The following CTSL variants were observed in gnomAD, a reference collection of about 807,000 sequenced individuals.
CTSL encodes the protein cathepsin L.
In CTSL, 23 loss-of-function variants were observed where a neutral mutation model predicts 34.7. The ratio of observed to expected loss-of-function variants is 0.66; its 90% CI spans 0.48 to 0.94. The LOEUF is 0.94. CTSL is among the 40% of genes least tolerant of loss of function. The pLI, the probability that CTSL is intolerant of heterozygous loss-of-function variation, is 0.00. For missense variants in CTSL, 361 were observed against 406.3 expected (o/e 0.89, Z 0.96); for synonymous variants, 129 against 136.7 (o/e 0.94, Z 0.39).
At chr9:87,726,609 G>T (rs922660249) in intron 1 of CTSL, among the ~76,000 whole-genome samples, 1 of 152,238 alleles carries the variant, frequency 6.6e-6, no homozygotes, top group Non-Finnish European at 1.5e-5. Flanking sequence ...GGCTTCCCGC[G>T]TGCGGCCATA....
intron 7 of CTSL, 95 bp from the exon 8 acceptor site, chr9:87,730,913 A>G (rs1387298310): frequency 1.2e-5 from 11 of 949,622 alleles, no homozygotes; most frequent in South Asian, 1.6e-5. Flanking sequence ...TGTTAAGTCT[A>G]TGGCCTCTGG....
At chr9:87,727,485 A>C in intron 1 of CTSL, 109 bp from the exon 2 acceptor site, 601 of 953,020 alleles carry the variant, frequency 6.3e-4, no homozygotes, top group Non-Finnish European at 8.0e-4. Context: ...GCTTGGGAGA[A>C]TAATTTAAAT....
In CTSL at chr9:87,730,422, C is replaced by T; in HGVS notation, c.826C>T (p.His276Tyr). ...EPDCSSEDMD[H>Y]GVLVVGYGFE... ...AGACTGTAGCAGTGAAGACATGGAT[C>T]ATGGTGTGCTGGTGGTTGGCTACGG... The change falls in exon 7 of 8, where the codon CAT (histidine) becomes TAT (tyrosine). Residue 276 changes from histidine to tyrosine, a missense_variant. Transcript: ENST00000343150. 1 of 1,612,882 alleles carries T rather than the reference C, an allele frequency of 6.2e-7. No individual in the cohort carries two copies.
At position 87,729,555 on chromosome 9, in the gene CTSL, T is replaced by C. The variant is rs761352247; in HGVS notation, c.622-18T>C. 32 of 1,610,596 alleles carry C rather than the reference T, an allele frequency of 2.0e-5. No homozygotes were observed. The highest frequency in any genetic ancestry group is 3.5e-4 in the Middle Eastern group (2 of 5,778). On this transcript the variant is annotated intron_variant, in intron 5 of 7. Coordinates refer to ENST00000343150, the MANE Select transcript of CTSL (RefSeq NM_001912.5). ...GACAGCAGTAATCAAGTCTTTTTTT[T>C]CCCTTTACCTTTGAAAGGAAGAATC...
At position 87,726,276 on chromosome 9, in the gene CTSL, A is replaced by G. The variant is rs1311036640; in HGVS notation, c.-133A>G. ...TAGGTGTGCACCAGCCCTGGCAACG[A>G]GAGCGTCTACCCCGAACTCTGCTGG... On this transcript the variant is annotated 5_prime_UTR_variant, in exon 1 of 8. Coordinates refer to ENST00000343150, the MANE Select transcript of CTSL (RefSeq NM_001912.5). 1 of 152,468 alleles carries G rather than the reference A, an allele frequency of 6.6e-6. No individual in the cohort carries two copies. Among genetic ancestry groups the G allele is most frequent in the African/African-American group, 2.4e-5 (1 of 41,466 alleles). The allele number at this position is 152,468 out of a possible 1,614,324, so 9.4% of individuals were successfully genotyped here.
At position 87,731,188 on chromosome 9, in the gene CTSL, C is replaced by T. The variant is rs930254878; in HGVS notation, c.*81C>T. ...AATTCATCTTCAGTCTACCAGCCCC[C>T]GCTGTGTCGGATACACACTCGAATC... On this transcript the variant is annotated 3_prime_UTR_variant, in exon 8 of 8. Transcript: ENST00000343150. 59 of 1,020,490 alleles carry T rather than the reference C, an allele frequency of 5.8e-5. No homozygotes were observed. In the East Asian group the frequency reaches 6.0e-4, roughly 10 times the overall value. 63.2% of individuals were successfully genotyped at this position (1,020,490 alleles called of 1,614,324 possible).
Position 87,728,321 on chromosome 9 carries a change from G to C in CTSL, c.321G>C (p.Gln107His). 1 of 1,614,154 alleles carries C rather than the reference G, an allele frequency of 6.2e-7. No individual in the cohort carries two copies. The highest frequency in any genetic ancestry group is 1.3e-5 in the African/African-American group (1 of 75,036). ...NRKPRKGKVF[Q>H]EPLFYEAPRS... Reference sequence around the variant, plus strand: ...AGCCCAGGAAGGGGAAAGTGTTCCAGGAACCTCTGTTTTATGAGGCCCCCA... The same window carrying C: ...AGCCCAGGAAGGGGAAAGTGTTCCACGAACCTCTGTTTTATGAGGCCCCCA... The change falls in exon 4 of 8, where the codon CAG becomes CAC. Residue 107 changes from glutamine to histidine, a missense_variant. Physicochemically the swap from Gln to His is conservative, Grantham distance 24. Transcript: ENST00000343150.
chr9:87,729,165 C>CAA (rs568121493), intron 5 of CTSL, among the ~76,000 whole-genome samples: 10 of 119,372 alleles, frequency 8.4e-5, no homozygotes, highest in Non-Finnish European at 9.1e-5. Flanking sequence ...ACCCTGTCTC[C>CAA]AAAAAAAAAA....
intron 1 of CTSL, among the ~76,000 whole-genome samples, 178 bp downstream of exon 1, chr9:87,726,576 C>T (rs1826002155): frequency 6.6e-6 from 1 of 152,232 alleles, no homozygotes; most frequent in South Asian, 2.1e-4. Flanking sequence ...GCCTGGAGCC[C>T]TGGAAGCTGG....
At chr9:87,728,182 T>A in intron 3 of CTSL, 33 bp downstream of exon 3, 1 of 1,614,228 alleles carries the variant, frequency 6.2e-7, no homozygotes, top group Non-Finnish European at 8.5e-7. Flanking sequence ...AGCTCTGTGC[T>A]TCCTCTCTTC....
In CTSL at chr9:87,731,258, T is replaced by C; in HGVS notation, c.*151T>C. On this transcript the variant is annotated 3_prime_UTR_variant, in exon 8 of 8. Transcript: ENST00000343150. ...TTTGAATTCTGTGATATTTTCACAC[T>C]GGTAAATGTTACCTCTATTTTAATT... The C allele has an allele frequency of 1.9e-6, 1 of 520,456 alleles. No homozygotes were observed. The highest frequency in any genetic ancestry group is 2.8e-5 in the East Asian group (1 of 35,386). 32.2% of individuals were successfully genotyped at this position (520,456 alleles called of 1,614,324 possible).
chr9:87,729,750 C>G lies in CTSL; in HGVS notation c.784+15C>G. The G allele has an allele frequency of 6.3e-7, 1 of 1,584,536 alleles. No homozygotes were observed. Among genetic ancestry groups the G allele is most frequent in the Non-Finnish European group, 8.6e-7 (1 of 1,167,298 alleles). On this transcript the variant is annotated intron_variant, in intron 6 of 7. Coordinates refer to ENST00000343150, the MANE Select transcript of CTSL (RefSeq NM_001912.5). Reference sequence around the variant, plus strand: ...CTATAAAGAAGGTAAGCATATTTTTCTTTGTAGAAATTGATGCAGAAAAAG... The same window carrying G: ...CTATAAAGAAGGTAAGCATATTTTTGTTTGTAGAAATTGATGCAGAAAAAG...
chr9:87,728,418 A>T lies in CTSL; in HGVS notation c.396+22A>T, dbSNP rs199854486. Reference sequence around the variant, plus strand: ...TCAGGTGAGACAGTGTCAGGTTCAGACCTCCCATCTTCCCAGGAAAGCCAA... The same window carrying T: ...TCAGGTGAGACAGTGTCAGGTTCAGTCCTCCCATCTTCCCAGGAAAGCCAA... On this transcript the variant is annotated intron_variant, in intron 4 of 7. Coordinates refer to ENST00000343150, the MANE Select transcript of CTSL (RefSeq NM_001912.5). 611 of 1,604,562 alleles carry T rather than the reference A, an allele frequency of 3.8e-4. 5 individuals carry two copies. Among genetic ancestry groups the T allele is most frequent in the Admixed American group, 1.9e-4 (11 of 57,844 alleles).
chr9:87,729,105 G>A (rs1826154822), intron 5 of CTSL: 3 of 646,966 alleles, frequency 4.6e-6, no homozygotes, highest in Non-Finnish European at 7.3e-6. Context: ...TTGCTTGAGT[G>A]TGGGAGGTGG....
intron 7 of CTSL, 83 bp from the exon 8 acceptor site, chr9:87,730,925 A>T: frequency 1.9e-6 from 2 of 1,077,406 alleles, no homozygotes; most frequent in Non-Finnish European, 2.8e-6. Flanking sequence ...GGCCTCTGGC[A>T]CAGTGTTTAA....
At chr9:87,730,344 G>T in intron 6 of CTSL, 37 bp from the exon 7 acceptor site, 1 of 1,453,484 alleles carries the variant, frequency 6.9e-7, no homozygotes, top group Non-Finnish European at 9.5e-7. Context: ...TGTGTCCTCT[G>T]GAGCTTCTCA....
chr9:87,730,265 G>A (rs1397471142), intron 6 of CTSL, 116 bp from the exon 7 acceptor site: 1 of 598,978 alleles, frequency 1.7e-6, no homozygotes, highest in Non-Finnish European at 2.9e-6. Context: ...GTACTATCTG[G>A]AATGTGTGTC....
At chr9:87,727,840 C>G in intron 2 of CTSL, 111 bp downstream of exon 2, 1 of 1,438,344 alleles carries the variant, frequency 7.0e-7, no homozygotes, top group East Asian at 2.3e-5. Flanking sequence ...AACCTAATGG[C>G]GTGGATTATG....
chr9:87,728,212 C>T (rs1462103487), intron 3 of CTSL, 38 bp from the exon 4 acceptor site: 2 of 1,614,090 alleles, frequency 1.2e-6, no homozygotes, highest in Non-Finnish European at 1.7e-6. Flanking sequence ...CTAAGGTAAT[C>T]TCTTGCTTTT....
Sources: allele counts gnomAD v4.1 joint callset (sites outside exome capture counted in the v4.1 genomes callset), GRCh38; gene constraint gnomAD v4.1.1; transcripts MANE v1.5; gene names NCBI Gene and HGNC (gene_info 2026-07-23, HGNC 2026-07-21).